Variants in RBM12B observed in about 807,000 individuals in gnomAD.
The protein encoded by RBM12B is RNA-binding protein 12B.
RBM12B carries 10 observed loss-of-function variants against 34.3 expected under a neutral mutation model. The observed-to-expected ratio is 0.29, with a 90% confidence interval of 0.18 to 0.49. The LOEUF is 0.49. RBM12B is among the 20% of genes least tolerant of loss of function. The pLI, the probability that RBM12B is intolerant of heterozygous loss-of-function variation, is 0.99. For missense variants in RBM12B, 1,139 were observed against 1,262.7 expected, an observed-to-expected ratio of 0.90 and a Z score of 1.48; for synonymous variants, 477 against 437.1, an observed-to-expected ratio of 1.09 and a Z score of -1.14.
chr8:93,728,318 T>C lies in RBM12B; in HGVS notation c.*5087A>G. ...AGTAAACTACACATTTCCATTTTCA[T>C]CATAAATGACTTGAAATCCACAATG... On this transcript the variant is annotated 3_prime_UTR_variant, in exon 4 of 4. Transcript: ENST00000520560. 1 of 1,462,982 alleles carries C rather than the reference T, an allele frequency of 6.8e-7. No individual in the cohort carries two copies. The highest frequency in any genetic ancestry group is 9.4e-7 in the Non-Finnish European group (1 of 1,064,160). 90.6% of individuals were successfully genotyped at this position (1,462,982 alleles called of 1,614,324 possible).
rs554905444 is a variant in RBM12B at position 93,732,768 on chromosome 8, G to A, written c.*637C>T. ...CTTTTTTCTTTTTATACAAATACAA[G>A]TTAATTAGCTCTATTAAGTTGCAAT... is the stretch of plus-strand genomic sequence containing the variant. On this transcript the variant is annotated 3_prime_UTR_variant, in exon 4 of 4. Coordinates refer to ENST00000520560, the MANE Select transcript of RBM12B (RefSeq NM_001377960.1). 1 of 152,246 alleles carries A rather than the reference G, an allele frequency of 6.6e-6. No individual in the cohort carries two copies. Among genetic ancestry groups the A allele is most frequent in the East Asian group, 1.9e-4 (1 of 5,184 alleles). 9.4% of individuals were successfully genotyped at this position (152,246 alleles called of 1,614,324 possible). A position where few individuals can be genotyped will look rare whatever the true frequency, so the allele number is the denominator to read the frequency against.
In RBM12B at chr8:93,728,195, C is replaced by CT; in HGVS notation, c.*5209dup. 6.6e-7 allele frequency: 1 copy of CT among 1,518,922 alleles called. No individual in the cohort carries two copies. The highest frequency in any genetic ancestry group is 8.8e-7 in the Non-Finnish European group (1 of 1,137,126). 94.1% of individuals were successfully genotyped at this position (1,518,922 alleles called of 1,614,324 possible). A position where few individuals can be genotyped will look rare whatever the true frequency, so the allele number is the denominator to read the frequency against. ...ATTTTTATTTTAAAAAGTGTGTTAA[C>CT]TTTTAACAGGTATCCACTTGTCGAC... On this transcript the variant is annotated 3_prime_UTR_variant, in exon 4 of 4. Coordinates refer to ENST00000520560, the MANE Select transcript of RBM12B (RefSeq NM_001377960.1).
chr8:93,734,408 CT>C lies in RBM12B; in HGVS notation c.2002del (p.Arg668GlyfsTer219). On this transcript the variant is annotated frameshift_variant, in exon 4 of 4. Transcript: ENST00000520560. LOFTEE classifies it high-confidence loss of function. ...TCTCCAGTCCTCCTCAGGTGGCCGC[CT>C]GAAATCTTCCTCTGGGAGCCACCTT... The part of the protein sequence containing the change: ...DLRWLPEEDF[R>X]RPPEEDWRRP... 1 of 1,613,664 alleles carries C rather than the reference CT, an allele frequency of 6.2e-7. No homozygotes were observed. Among genetic ancestry groups the C allele is most frequent in the Non-Finnish European group, 8.5e-7 (1 of 1,179,902 alleles).
chr8:93,734,301 C>T lies in RBM12B; in HGVS notation c.2110G>A (p.Glu704Lys). Residue 704 changes from glutamate (E) to lysine (K), a missense_variant, in exon 4 of 4, where the codon GAG (glutamate) becomes AAG (lysine). Transcript: ENST00000520560. ...PPEDDFRRPP[E>K]EDFRHSPEED... ...TCAGGGGAATGCCTGAAATCCTCCTCTGGGGGCCGCCTGAAGTCATCCTCG... is the reference window on the plus strand; with the variant it reads ...TCAGGGGAATGCCTGAAATCCTCCTTTGGGGGCCGCCTGAAGTCATCCTCG... 1 of 1,613,186 alleles carries T rather than the reference C, an allele frequency of 6.2e-7. No individual in the cohort carries two copies. Among genetic ancestry groups the T allele is most frequent in the Non-Finnish European group, 8.5e-7 (1 of 1,179,694 alleles).
At chr8:93,739,756 C>A (rs1812134943) in intron 2 of RBM12B, among the ~76,000 whole-genome samples, 1 of 152,148 alleles carries the variant, frequency 6.6e-6, no homozygotes, top group Non-Finnish European at 1.5e-5. Context: ...GTTAAAATTT[C>A]TATGAAAAGA....
chr8:93,732,805 A>G lies in RBM12B; in HGVS notation c.*600T>C, dbSNP rs1811838686. 1 of 152,242 alleles carries G rather than the reference A, an allele frequency of 6.6e-6. No homozygotes were observed. The highest frequency in any genetic ancestry group is 6.5e-5 in the Admixed American group (1 of 15,286). The allele number at this position is 152,242 out of a possible 1,614,324, so 9.4% of individuals were successfully genotyped here. On this transcript the variant is annotated 3_prime_UTR_variant, in exon 4 of 4. Transcript: ENST00000520560. ...TATTAAGTTGCAATTTTATTTTTAT[A>G]AAGCTTTGTAAAGTTATGAACATGG...
rs552325394 is a variant in RBM12B, at chr8:93,734,093, C to T, written c.2318G>A (p.Arg773His). 1.2e-5 allele frequency: 18 copies of T among 1,560,432 alleles called. No individual in the cohort carries two copies. Among genetic ancestry groups the T allele is most frequent in the African/African-American group, 2.8e-5 (2 of 72,642 alleles). Reference sequence around the variant, plus strand: ...TCTCCGGAAGTGCTCCGGGGGCGGGCGCCTGAAATGCTCTGGGGGTGGCCG... The same window carrying T: ...TCTCCGGAAGTGCTCCGGGGGCGGGTGCCTGAAATGCTCTGGGGGTGGCCG... ...FRRPPPEHFR[R>H]PPPEHFRRPP... Residue 773 changes from arginine to histidine, a missense_variant, in exon 4 of 4, where the codon CGC becomes CAC. Arg to His is a conservative substitution (Grantham distance 29). Coordinates refer to ENST00000520560, the MANE Select transcript of RBM12B (RefSeq NM_001377960.1).
At position 93,740,996 on chromosome 8, in the gene RBM12B, C is replaced by T. The variant is rs1278114584; in HGVS notation, c.-261G>A. ...CCAGAAGAAGATGGCGCCCACTGCC[C>T]CTCCGGTCCGGACAAACGGACGTAC... On this transcript the variant is annotated 5_prime_UTR_variant, in exon 1 of 4. Coordinates refer to ENST00000520560, the MANE Select transcript of RBM12B (RefSeq NM_001377960.1). 1 of 168,980 alleles carries T rather than the reference C, an allele frequency of 5.9e-6. No homozygotes were observed. Among genetic ancestry groups the T allele is most frequent in the Non-Finnish European group, 1.3e-5 (1 of 76,968 alleles). The allele number at this position is 168,980 out of a possible 1,614,324, so 10.5% of individuals were successfully genotyped here. A position where few individuals can be genotyped will look rare whatever the true frequency, so the allele number is the denominator to read the frequency against.
rs1346349485 is a variant in RBM12B, at chr8:93,734,822, T to A, written c.1589A>T (p.Gln530Leu). 6.2e-7 allele frequency: 1 copy of A among 1,614,218 alleles called. No individual in the cohort carries two copies. Among genetic ancestry groups the A allele is most frequent in the Admixed American group, 1.7e-5 (1 of 60,030 alleles). Residue 530 changes from glutamine to leucine, a missense_variant, in exon 4 of 4, where the codon CAG becomes CTG. Around this residue, in one of 3 missense-constraint regions of RBM12B, gnomAD observed 863 missense variants for 869.5 expected, o/e 0.99. Transcript: ENST00000520560. ...SVGAFENFRHQLEDLRQLDNF... is the reference protein window; with the variant it reads ...SVGAFENFRHLLEDLRQLDNF... Reference sequence around the variant, plus strand: ...ATCCAGTTGCCTCAAGTCCTCTAGCTGATGTCTAAAGTTTTCAAAAGCACC... The same window carrying A: ...ATCCAGTTGCCTCAAGTCCTCTAGCAGATGTCTAAAGTTTTCAAAAGCACC...
chr8:93,736,819 T>C (rs557502572), intron 3 of RBM12B, among the ~76,000 whole-genome samples: 1 of 152,356 alleles, frequency 6.6e-6, no homozygotes, highest in South Asian at 2.1e-4. Flanking sequence ...TTTTATCAAC[T>C]GCAATGAATT....
At chr8:93,737,393 C>G (rs1035827749) in intron 2 of RBM12B, 38 bp from the exon 3 acceptor site, 4 of 152,008 alleles carry the variant, frequency 2.6e-5, no homozygotes, top group African/African-American at 9.7e-5. Flanking sequence ...ATCCTTGAAC[C>G]CTGTAATTTA....
In RBM12B at chr8:93,736,455, A is replaced by G; in HGVS notation, c.-28-17T>C. 1 of 1,502,478 alleles carries G rather than the reference A, an allele frequency of 6.7e-7. No individual in the cohort carries two copies. The highest frequency in any genetic ancestry group is 8.8e-7 in the Non-Finnish European group (1 of 1,134,516). 93.1% of individuals were successfully genotyped at this position (1,502,478 alleles called of 1,614,324 possible). On this transcript the variant is annotated splice_polypyrimidine_tract_variant and intron_variant, in intron 3 of 3. Coordinates refer to ENST00000520560, the MANE Select transcript of RBM12B (RefSeq NM_001377960.1). ...AATAATGACCTGCAGACAAAAAGGT[A>G]CACATAATAGCAAGTCTTATTTTTG...
In RBM12B at chr8:93,729,606, G is replaced by A. The variant is rs778546288; in HGVS notation, c.*3799C>T. The A allele has an allele frequency of 1.4e-4, 21 of 152,056 alleles. No individual in the cohort carries two copies. The highest frequency in any genetic ancestry group is 2.6e-4 in the Non-Finnish European group (18 of 67,978). 9.4% of individuals were successfully genotyped at this position (152,056 alleles called of 1,614,324 possible). ...CAAAGAAATATTCTAAGAACAAAAG[G>A]AATACTATCCATGAAAATACTTTCA... On this transcript the variant is annotated 3_prime_UTR_variant, in exon 4 of 4. Coordinates refer to ENST00000520560, the MANE Select transcript of RBM12B (RefSeq NM_001377960.1).
In RBM12B at chr8:93,734,476, C is replaced by T. The variant is rs747306882; in HGVS notation, c.1935G>A (p.Gln645=). Residue 645 remains glutamine (Q), a synonymous_variant, in exon 4 of 4, where the codon CAG becomes CAA. Coordinates refer to ENST00000520560, the MANE Select transcript of RBM12B (RefSeq NM_001377960.1). ...GTTGCCTGAAGTCCTCCTCGGGGAGCTGCCTGAAGTCCTCCGTGGGAGACC... is the reference window on the plus strand; with the variant it reads ...GTTGCCTGAAGTCCTCCTCGGGGAGTTGCCTGAAGTCCTCCGTGGGAGACC... The part of the protein sequence containing the change: ...FRRSPTEDFR[Q]LPEEDFRQPP... 4 of 1,605,972 alleles carry T rather than the reference C, an allele frequency of 2.5e-6. No homozygotes were observed. Among genetic ancestry groups the T allele is most frequent in the African/African-American group, 1.3e-5 (1 of 74,612 alleles).
rs369574397 is a variant in RBM12B at position 93,734,872 on chromosome 8, T to G, written c.1539A>C (p.Ser513=). 1.9e-6 allele frequency: 3 copies of G among 1,614,180 alleles called. No individual in the cohort carries two copies. In the African/African-American group the frequency reaches 4.0e-5, roughly 22 times the overall value. Residue 513 remains serine, a synonymous_variant, in exon 4 of 4, where the codon TCA becomes TCC. Transcript: ENST00000520560. ...CAACTGAGTATATTGGTGGGTCTTT[T>G]GAGTCAAATAAATGGGAATGGTCAC... ...ERGDHSHLFD[S]KDPPIYSVGA...
intron 2 of RBM12B, among the ~76,000 whole-genome samples, chr8:93,737,828 AAG>A (rs1434091886): frequency 3.6e-5 from 5 of 138,292 alleles, no homozygotes; most frequent in African/African-American, 5.5e-5. Flanking sequence ...AAAAAAAAAA[AAG>A]AACTTCAATC....
At position 93,728,397 on chromosome 8, in the gene RBM12B, T is replaced by C. The variant is rs1811638419; in HGVS notation, c.*5008A>G. Reference sequence around the variant, plus strand: ...TGCTATGTTAAGCCTCAAAGTGAAGTCCAACTGGAAACAGAAAAATAATTA... The same window carrying C: ...TGCTATGTTAAGCCTCAAAGTGAAGCCCAACTGGAAACAGAAAAATAATTA... On this transcript the variant is annotated 3_prime_UTR_variant, in exon 4 of 4. Coordinates refer to ENST00000520560, the MANE Select transcript of RBM12B (RefSeq NM_001377960.1). 2.8e-6 allele frequency: 2 copies of C among 716,286 alleles called. No homozygotes were observed. Among genetic ancestry groups the C allele is most frequent in the Admixed American group, 3.8e-5 (1 of 26,174 alleles). 44.4% of individuals were successfully genotyped at this position (716,286 alleles called of 1,614,324 possible).
At position 93,734,469 on chromosome 8, in the gene RBM12B, C is replaced by T. The variant is rs1171731911; in HGVS notation, c.1942G>A (p.Glu648Lys). 5.0e-6 allele frequency: 8 copies of T among 1,604,898 alleles called. No individual in the cohort carries two copies. The highest frequency in any genetic ancestry group is 6.8e-6 in the Non-Finnish European group (8 of 1,174,594). ...SPTEDFRQLP[E>K]EDFRQPPEED... ...TCAGGGGGTTGCCTGAAGTCCTCCT[C>T]GGGGAGCTGCCTGAAGTCCTCCGTG... Residue 648 changes from glutamate (E) to lysine (K), a missense_variant, in exon 4 of 4, where the codon GAG (glutamate) becomes AAG (lysine). Around this residue, in one of 3 missense-constraint regions of RBM12B, gnomAD observed 863 missense variants for 869.5 expected, o/e 0.99. Coordinates refer to ENST00000520560, the MANE Select transcript of RBM12B (RefSeq NM_001377960.1).
rs1178275482 is a variant in RBM12B, at chr8:93,734,534, T to A, written c.1877A>T (p.Asp626Val). Residue 626 changes from aspartate to valine, a missense_variant, in exon 4 of 4, where the codon GAC (aspartate) becomes GTC (valine). By Grantham distance (152) the Asp-to-Val change is radical. This residue lies in a region of RBM12B where 863 missense variants were observed against 869.5 expected (regional missense o/e 0.99). Coordinates refer to ENST00000520560, the MANE Select transcript of RBM12B (RefSeq NM_001377960.1). ...ATCCTCCTCCAGTGGCCGCCTCCAG[T>A]CCTCCTCAAGGGGCCTCCTCCAGTC... Reference protein sequence around the residue: ...EEDWRRPLEEDWRRPLEEDFR... With the variant: ...EEDWRRPLEEVWRRPLEEDFR... 4 of 1,612,908 alleles carry A rather than the reference T, an allele frequency of 2.5e-6. No homozygotes were observed. The highest frequency in any genetic ancestry group is 3.4e-6 in the Non-Finnish European group (4 of 1,179,546).
Sources: allele counts gnomAD v4.1 joint callset (sites outside exome capture counted in the v4.1 genomes callset), GRCh38; gene constraint gnomAD v4.1.1; regional missense constraint gnomAD v4.1.1; transcripts MANE v1.5; gene names NCBI Gene and HGNC (gene_info 2026-07-23, HGNC 2026-07-21).